Variants in BCAS4 observed in about 807,000 individuals in gnomAD.
BCAS4 encodes the protein breast carcinoma-amplified sequence 4.
BCAS4 carries 9 observed loss-of-function variants against 15.7 expected under a neutral mutation model. That is an observed-to-expected ratio of 0.57 (90% CI 0.34 to 1.00). The LOEUF (loss-of-function observed/expected upper bound fraction) is 1.00. BCAS4 is among the 50% of genes least tolerant of loss of function. The probability of loss-of-function intolerance (pLI) is 0.02; values close to 1 mark genes in which losing one functional copy is unlikely to be tolerated. For missense variants in BCAS4, 225 were observed against 239.1 expected, an observed-to-expected ratio of 0.94 and a Z score of 0.39; for synonymous variants, 101 against 99.5, an observed-to-expected ratio of 1.02 and a Z score of -0.09.
intron 2 of BCAS4, among the ~76,000 whole-genome samples, chr20:50,821,019 T>G (rs1179011116): frequency 6.6e-6 from 1 of 152,194 alleles, no homozygotes; most frequent in Non-Finnish European, 1.5e-5. Flanking sequence ...CATTCCTACC[T>G]TGCAAGCATC....
At chr20:50,825,446 GC>G (rs2088268257) in intron 2 of BCAS4, among the ~76,000 whole-genome samples, 1 of 152,198 alleles carries the variant, frequency 6.6e-6, no homozygotes, top group African/African-American at 2.4e-5. Context: ...GGGCCTTTCA[GC>G]CCCTAGGATT....
intron 4 of BCAS4, among the ~76,000 whole-genome samples, chr20:50,867,782 C>T (rs1014618009): frequency 2.6e-5 from 4 of 152,270 alleles, no homozygotes; most frequent in African/African-American, 7.2e-5. Context: ...GGTGTGGTGG[C>T]GCACGCGTGT....
rs185384370 is a variant in BCAS4 at position 50,840,731 on chromosome 20, T to C, written c.265-1035T>C. On this transcript the variant is annotated intron_variant, in intron 3 of 4. Coordinates refer to ENST00000371608, the MANE Select transcript of BCAS4 (RefSeq NM_198799.4). ...TTATCGAATTTCTCGATCTCAGCCA[T>C]ATCGGATTTGTCAGACATGGTTACG... The C allele has an allele frequency of 5.5e-5, 89 of 1,612,224 alleles. No individual in the cohort carries two copies. The East Asian group carries it at 2.0e-3, about 36-fold the overall frequency.
chr20:50,798,831 G>T lies in BCAS4; in HGVS notation c.90+3658G>T, dbSNP rs533318992. On this transcript the variant is annotated intron_variant, in intron 1 of 4. Transcript: ENST00000371608. Reference sequence around the variant, plus strand: ...CACCAGTTTGCTAAACTGTGTTCATGGCTTATGTCATTGTGTCACGGCAGT... The same window carrying T: ...CACCAGTTTGCTAAACTGTGTTCATTGCTTATGTCATTGTGTCACGGCAGT... Among the ~76,000 whole-genome samples the T allele has an allele frequency of 2.0e-5, 3 of 152,296 alleles. No individual in the cohort carries two copies. The South Asian group carries it at 6.2e-4, about 32-fold the overall frequency.
intron 4 of BCAS4, among the ~76,000 whole-genome samples, chr20:50,854,415 G>T (rs1407736234): frequency 6.6e-6 from 1 of 152,210 alleles, no homozygotes; most frequent in East Asian, 1.9e-4. Context: ...GGCGTGCTTT[G>T]TTGAGTATTC....
chr20:50,803,196 T>C (rs867033517), intron 1 of BCAS4, among the ~76,000 whole-genome samples: 12 of 152,046 alleles, frequency 7.9e-5, no homozygotes, highest in African/African-American at 2.2e-4. Flanking sequence ...CAAAACACGT[T>C]CCCAAAGATT....
chr20:50,862,593 G>C (rs1979141659), intron 4 of BCAS4, among the ~76,000 whole-genome samples: 1 of 152,200 alleles, frequency 6.6e-6, no homozygotes, highest in South Asian at 2.1e-4. Context: ...TCTGAGGAAA[G>C]GGGGAGTTTG....
intron 1 of BCAS4, 90 bp downstream of exon 1, chr20:50,795,263 C>A: frequency 8.4e-7 from 1 of 1,184,330 alleles, no homozygotes; most frequent in South Asian, 2.9e-5. Flanking sequence ...AGCATCCTCT[C>A]GCTCCCGGAG....
chr20:50,869,349 G>C (rs1600904712), intron 4 of BCAS4, among the ~76,000 whole-genome samples: 1 of 152,200 alleles, frequency 6.6e-6, no homozygotes, highest in Non-Finnish European at 1.5e-5. Context: ...CCAGGCTCTG[G>C]TGGGGCTGTG....
chr20:50,844,896 A>G (rs1418728548), intron 4 of BCAS4, among the ~76,000 whole-genome samples: 2 of 152,130 alleles, frequency 1.3e-5, no homozygotes, highest in Non-Finnish European at 2.9e-5. Context: ...TGGGTGAGTC[A>G]TTCAGCAACC....
At chr20:50,811,154 TG>T (rs1352653705) in intron 1 of BCAS4, among the ~76,000 whole-genome samples, 2 of 152,034 alleles carry the variant, frequency 1.3e-5, no homozygotes, top group African/African-American at 4.8e-5. Flanking sequence ...GGAGTAGGGC[TG>T]GGGAGGCCCC....
At chr20:50,805,056 T>TTGTG (rs141387746) in intron 1 of BCAS4, among the ~76,000 whole-genome samples, 3 of 151,726 alleles carry the variant, frequency 2.0e-5, no homozygotes, top group Admixed American at 1.3e-4. Context: ...TCTTCAGTAT[T>TTGTG]TGTGTGTGTG....
At chr20:50,860,598 G>A (rs1456057821) in intron 4 of BCAS4, among the ~76,000 whole-genome samples, 7 of 152,200 alleles carry the variant, frequency 4.6e-5, no homozygotes, top group African/African-American at 9.6e-5. Context: ...AGTCTGGGCC[G>A]GGCGTGGTGG....
At chr20:50,823,492 A>C (rs2088241850) in intron 2 of BCAS4, among the ~76,000 whole-genome samples, 2 of 152,210 alleles carry the variant, frequency 1.3e-5, no homozygotes, top group South Asian at 4.1e-4. Flanking sequence ...TGCTATACAC[A>C]GCAACATAGA....
At position 50,876,517 on chromosome 20, in the gene BCAS4, A is replaced by C; in HGVS notation, c.431A>C (p.Glu144Ala). ...KSPAPVPVTY[E>A]LPTLYRTEDY... ...CCTGCACCGGTGCCCGTGACGTACG[A>C]GCTGCCCACACTGTATAGGACGGAG... The change falls in exon 5 of 5, where the codon GAG (glutamate) becomes GCG (alanine). Residue 144 changes from glutamate to alanine, a missense_variant. By Grantham distance (107) the Glu-to-Ala change is moderately radical (BLOSUM62 -1). Transcript: ENST00000371608. 6.2e-7 allele frequency: 1 copy of C among 1,613,918 alleles called. No homozygotes were observed.
At chr20:50,838,401 G>C (rs906161734) in intron 3 of BCAS4, among the ~76,000 whole-genome samples, 1 of 152,192 alleles carries the variant, frequency 6.6e-6, no homozygotes, top group African/African-American at 2.4e-5. Context: ...GGTGCTCAGG[G>C]ACAGTTAGAT....
At chr20:50,881,482 G>A (rs1021995518), downstream of BCAS4, 2 of 152,004 alleles carry the variant, frequency 1.3e-5, no homozygotes, top group African/African-American at 4.8e-5. Flanking sequence ...CCTAAAAAAT[G>A]TCACCTACAA....
At chr20:50,843,602 G>C (rs1237477042) in intron 4 of BCAS4, among the ~76,000 whole-genome samples, 2 of 152,340 alleles carry the variant, frequency 1.3e-5, no homozygotes, top group East Asian at 3.9e-4. Context: ...TTCCAGGTGA[G>C]TGTTTTGCCC....
At chr20:50,849,544 C>T (rs1354083451) in intron 4 of BCAS4, among the ~76,000 whole-genome samples, 5 of 152,194 alleles carry the variant, frequency 3.3e-5, no homozygotes, top group East Asian at 1.9e-4. Context: ...ACAGTTGCAG[C>T]GCTCCCAGGG....
Sources: gnomAD v4.1 joint callset for allele counts (sites outside exome capture counted in the v4.1 genomes callset) on GRCh38, gnomAD v4.1.1 for gene constraint, MANE v1.5 for transcripts, NCBI Gene and HGNC (gene_info 2026-07-23, HGNC 2026-07-21) for gene names.